The following HS3ST2 variants were observed in gnomAD, a reference collection of about 807,000 sequenced individuals.
HS3ST2 encodes heparan sulfate glucosamine 3-O-sulfotransferase 2.
HS3ST2 carries 17 observed loss-of-function variants against 26.3 expected under a neutral mutation model. The ratio of observed to expected loss-of-function variants is 0.65; its 90% CI spans 0.44 to 0.97. HS3ST2 has a LOEUF of 0.97. Among genes scored for constraint, HS3ST2 ranks in the 50% least tolerant of loss-of-function variants. The pLI, the probability that HS3ST2 is intolerant of heterozygous loss-of-function variation, is 0.00. For missense variants in HS3ST2, 402 were observed against 501.2 expected (o/e 0.80, Z 1.89); for synonymous variants, 237 against 219.2 (o/e 1.08, Z -0.72).
chr16:22,817,282 G>A (rs569002138), intron 1 of HS3ST2, among the ~76,000 whole-genome samples: 3 of 152,024 alleles, frequency 2.0e-5, no homozygotes, highest in East Asian at 3.9e-4. Flanking sequence ...AGGTCTGGTC[G>A]TAATTGCCCT....
intron 1 of HS3ST2, among the ~76,000 whole-genome samples, chr16:22,886,490 A>G (rs1596626304): frequency 1.3e-5 from 2 of 152,212 alleles, no homozygotes; most frequent in South Asian, 2.1e-4. Flanking sequence ...AAGCCCAGCT[A>G]TAGGGGAGAC....
chr16:22,819,912 A>C (rs1222286779), intron 1 of HS3ST2, among the ~76,000 whole-genome samples: 1 of 152,258 alleles, frequency 6.6e-6, no homozygotes, highest in Non-Finnish European at 1.5e-5. Flanking sequence ...CAAAGGCAGA[A>C]GGTAAGGGGC....
intron 1 of HS3ST2, among the ~76,000 whole-genome samples, chr16:22,841,986 T>C (rs1351599601): frequency 6.6e-6 from 1 of 152,062 alleles, no homozygotes; most frequent in African/African-American, 2.4e-5. Flanking sequence ...CTAGACAATC[T>C]GTCTTTTTTT....
At position 22,896,118 on chromosome 16, in the gene HS3ST2, T is replaced by A. The variant is rs574115690; in HGVS notation, c.486-18826T>A. On this transcript the variant is annotated intron_variant, in intron 1 of 1. Coordinates refer to ENST00000261374, the MANE Select transcript of HS3ST2 (RefSeq NM_006043.2). The stretch of plus-strand genomic sequence containing the variant: ...CACTCCACCATGCCTGTCTCTATCT[T>A]TTTTAAAAGCATAATGTTGACATTA... Among the ~76,000 whole-genome samples, 6 of 152,300 alleles carry A rather than the reference T, an allele frequency of 3.9e-5. No homozygotes were observed. In the South Asian group the frequency reaches 1.2e-3, roughly 32 times the overall value.
At chr16:22,875,347 A>G (rs1384137843) in intron 1 of HS3ST2, among the ~76,000 whole-genome samples, 1 of 151,982 alleles carries the variant, frequency 6.6e-6, no homozygotes, top group Non-Finnish European at 1.5e-5. Context: ...TTGTTATTGA[A>G]GACAGAAAAA....
chr16:22,830,845 A>G (rs1901157863), intron 1 of HS3ST2, among the ~76,000 whole-genome samples: 1 of 152,192 alleles, frequency 6.6e-6, no homozygotes, highest in African/African-American at 2.4e-5. Context: ...TTTACTTTAC[A>G]TTATATTGAG....
chr16:22,853,735 G>A (rs1311267891), intron 1 of HS3ST2, among the ~76,000 whole-genome samples: 2 of 152,172 alleles, frequency 1.3e-5, no homozygotes, highest in African/African-American at 4.8e-5. Context: ...GGTCCCTACA[G>A]CAGAAGTGGC....
intron 1 of HS3ST2, among the ~76,000 whole-genome samples, chr16:22,843,477 C>T (rs969961308): frequency 2.0e-5 from 3 of 152,172 alleles, no homozygotes; most frequent in African/African-American, 7.2e-5. Context: ...TTGGGGTTCC[C>T]ATGACCTCCT....
chr16:22,839,690 A>G (rs1901324958), intron 1 of HS3ST2, among the ~76,000 whole-genome samples: 3 of 151,614 alleles, frequency 2.0e-5, no homozygotes, highest in South Asian at 4.2e-4. Context: ...TCAGCCACCC[A>G]CCTGCTACTC....
At chr16:22,870,473 G>T (rs547338801) in intron 1 of HS3ST2, among the ~76,000 whole-genome samples, 3 of 152,020 alleles carry the variant, frequency 2.0e-5, no homozygotes, top group Non-Finnish European at 2.9e-5. Flanking sequence ...GAATCACGTC[G>T]CTCCTCTGCT....
chr16:22,847,740 C>T (rs184083843), intron 1 of HS3ST2, among the ~76,000 whole-genome samples: 49 of 142,918 alleles, frequency 3.4e-4, no homozygotes, highest in South Asian at 4.4e-4. Context: ...TAACTTTGAA[C>T]GCCTGATGTT....
chr16:22,902,060 C>A (rs1212684514), intron 1 of HS3ST2, among the ~76,000 whole-genome samples: 1 of 152,154 alleles, frequency 6.6e-6, no homozygotes, highest in African/African-American at 2.4e-5. Context: ...TATTGTGTAT[C>A]CTTTTAGAAG....
intron 1 of HS3ST2, among the ~76,000 whole-genome samples, chr16:22,860,928 A>T (rs2141189142): frequency 6.6e-6 from 1 of 151,904 alleles, no homozygotes; most frequent in African/African-American, 2.4e-5. Context: ...GCTGGAGTGC[A>T]GTGGTGTGGT....
chr16:22,906,169 G>A (rs577431980), intron 1 of HS3ST2, among the ~76,000 whole-genome samples: 4 of 152,032 alleles, frequency 2.6e-5, no homozygotes, highest in Non-Finnish European at 4.4e-5. Context: ...TGAAGAGATC[G>A]AGACCATCCT....
chr16:22,851,674 T>C (rs1419450653), intron 1 of HS3ST2, among the ~76,000 whole-genome samples: 1 of 152,196 alleles, frequency 6.6e-6, no homozygotes, highest in Non-Finnish European at 1.5e-5. Context: ...TCCTCTAGGA[T>C]AATTTAAGAT....
intron 1 of HS3ST2, among the ~76,000 whole-genome samples, chr16:22,825,962 G>T (rs12932378): frequency 0.13 from 19,473 of 152,138 alleles, 1,330 homozygotes; most frequent in Middle Eastern, 0.17. Flanking sequence ...GGCAGAGGTT[G>T]CAGTGAGCCG....
At chr16:22,914,308 C>T (rs1451495604) in intron 1 of HS3ST2, among the ~76,000 whole-genome samples, 1 of 152,162 alleles carries the variant, frequency 6.6e-6, no homozygotes, top group East Asian at 1.9e-4. Context: ...TGTTGGAAAT[C>T]ATTCCATATT....
At chr16:22,895,093 T>C (rs1463617349) in intron 1 of HS3ST2, among the ~76,000 whole-genome samples, 3 of 150,994 alleles carry the variant, frequency 2.0e-5, no homozygotes, top group Non-Finnish European at 3.0e-5. Context: ...TTTTGTTGTT[T>C]GTTTGTTTTT....
chr16:22,819,874 A>T (rs1900962227), intron 1 of HS3ST2, among the ~76,000 whole-genome samples: 1 of 152,270 alleles, frequency 6.6e-6, no homozygotes, highest in Admixed American at 6.5e-5. Flanking sequence ...CCAATTCTGG[A>T]AATGCAAACC....
Sources: gnomAD v4.1 joint callset for allele counts (sites outside exome capture counted in the v4.1 genomes callset) on GRCh38, gnomAD v4.1.1 for gene constraint, MANE v1.5 for transcripts, NCBI Gene and HGNC (gene_info 2026-07-23, HGNC 2026-07-21) for gene names.